Variants in KIRREL3 observed in about 807,000 individuals in gnomAD.
The protein encoded by KIRREL3 is kirre like nephrin family adhesion molecule 3, also known as kin of IRRE-like protein 3.
A neutral mutation model predicts 89.7 loss-of-function variants in KIRREL3; 36 were observed. The ratio of observed to expected loss-of-function variants is 0.40; its 90% confidence interval spans 0.31 to 0.53. The LOEUF (loss-of-function observed/expected upper bound fraction) is 0.53. Ranked by LOEUF, KIRREL3 falls within the 20% of genes least tolerant of loss-of-function variation. The pLI is 0.49. For missense variants in KIRREL3, 864 were observed against 1,056.6 expected (o/e 0.82, Z 2.53); for synonymous variants, 445 against 441.4 (o/e 1.01, Z -0.10).
rs529950656 is a variant in KIRREL3, at chr11:126,566,105, A to G, written c.56-3193T>C. 6.6e-6 allele frequency among the ~76,000 whole-genome samples: 1 copy of G among 151,042 alleles called. No homozygotes were observed. The highest frequency in any genetic ancestry group is 1.9e-4 in the East Asian group (1 of 5,130). ...TGCTGTCTTTGGCTTTATCAGTAGC[A>G]GAAACACCCAGATACTCTAAAGCTG... On this transcript the variant is annotated intron_variant, in intron 1 of 16. Transcript: ENST00000525144. This position sits in a 1 kb window ranked among gnomAD's most constrained non-coding sequence, Gnocchi z 4.9.
intron 1 of KIRREL3, among the ~76,000 whole-genome samples, chr11:126,626,688 T>C (rs1943800503): frequency 6.6e-6 from 1 of 152,234 alleles, no homozygotes; most frequent in African/African-American, 2.4e-5. Flanking sequence ...TGATAAGTCT[T>C]GTTAAAGAAT....
At chr11:126,632,747 A>T (rs1294948103) in intron 1 of KIRREL3, among the ~76,000 whole-genome samples, 220 of 5,894 alleles carry the variant, frequency 0.037, no homozygotes, top group African/African-American at 0.12. Context: ...ATGTCTCCTC[A>T]TCAATTTTTA....
chr11:126,792,156 T>G (rs1241820018), intron 1 of KIRREL3, among the ~76,000 whole-genome samples: 1 of 152,110 alleles, frequency 6.6e-6, no homozygotes, highest in Non-Finnish European at 1.5e-5. Context: ...GGGCCAGGAA[T>G]CAGATCCCTG....
intron 1 of KIRREL3, among the ~76,000 whole-genome samples, chr11:126,820,894 T>C (rs1320705662): frequency 1.3e-5 from 2 of 152,170 alleles, no homozygotes; most frequent in African/African-American, 4.8e-5. Flanking sequence ...CCTTGAGTTT[T>C]CGTGAGGACT....
chr11:126,670,626 A>C (rs529913784), intron 1 of KIRREL3, among the ~76,000 whole-genome samples: 3 of 152,364 alleles, frequency 2.0e-5, no homozygotes, highest in South Asian at 4.1e-4. Context: ...AATAAACAGA[A>C]GTTAATTTTT....
Position 126,575,680 on chromosome 11 carries a change from C to G in KIRREL3, c.56-12768G>C, listed in dbSNP as rs1299052633. ...ACTGCTATGTTGTTGGAGTTAATACCCACAGCAGCTCAAGGAACAGCTTTG... is the reference window on the plus strand; with the variant it reads ...ACTGCTATGTTGTTGGAGTTAATACGCACAGCAGCTCAAGGAACAGCTTTG... On this transcript the variant is annotated intron_variant, in intron 1 of 16. Transcript: ENST00000525144. This position sits in a 1 kb window ranked among gnomAD's most constrained non-coding sequence, Gnocchi z 7.0. Among the ~76,000 whole-genome samples, 11 of 152,076 alleles carry G rather than the reference C, an allele frequency of 7.2e-5. No homozygotes were observed. Among genetic ancestry groups the G allele is most frequent in the Admixed American group, 7.2e-4 (11 of 15,266 alleles).
chr11:126,440,321 T>G (rs61898676), intron 11 of KIRREL3, 128 bp downstream of exon 11: 3 of 802,044 alleles, frequency 3.7e-6, no homozygotes, highest in Non-Finnish European at 6.3e-6. Flanking sequence ...CCAAGGCAGG[T>G]ATAATTTTCC....
intron 1 of KIRREL3, among the ~76,000 whole-genome samples, chr11:126,781,257 G>T (rs897076052): frequency 6.6e-6 from 1 of 152,130 alleles, no homozygotes; most frequent in Non-Finnish European, 1.5e-5. Flanking sequence ...CTACAAGGGG[G>T]AGATGAGTTG....
rs541053702 is a variant in KIRREL3 at position 126,879,200 on chromosome 11, A to G, written c.55+121255T>C. 1.3e-5 allele frequency among the ~76,000 whole-genome samples: 2 copies of G among 152,320 alleles called. No homozygotes were observed. The highest frequency in any genetic ancestry group is 6.5e-5 in the Admixed American group (1 of 15,300). On this transcript the variant is annotated intron_variant, in intron 1 of 16. Coordinates refer to ENST00000525144, the MANE Select transcript of KIRREL3 (RefSeq NM_032531.4). This position sits in a 1 kb window ranked among gnomAD's most constrained non-coding sequence, Gnocchi z 5.4. Reference sequence around the variant, plus strand: ...CACGGAGGTAATGTACAGGGAACCTATAACCAGGATGCAGATGCTATATGC... The same window carrying G: ...CACGGAGGTAATGTACAGGGAACCTGTAACCAGGATGCAGATGCTATATGC...
chr11:126,927,572 A>T (rs1009861094), intron 1 of KIRREL3, among the ~76,000 whole-genome samples: 1 of 152,258 alleles, frequency 6.6e-6, no homozygotes, highest in Non-Finnish European at 1.5e-5. Context: ...CTACTTTTAC[A>T]GAAAATGCGG....
Position 126,486,896 on chromosome 11 carries a change from C to T in KIRREL3, c.434-13430G>A, listed in dbSNP as rs1218532577. On this transcript the variant is annotated intron_variant, in intron 4 of 16. Transcript: ENST00000525144. The surrounding 1 kb of genome is among the most constrained non-coding windows in gnomAD (Gnocchi z 6.2). ...GGCCAGGCAGGGACTTGGAGTGTCCCCGCTGGTCCCATAAATAGAAGCAGA... is the reference window on the plus strand; with the variant it reads ...GGCCAGGCAGGGACTTGGAGTGTCCTCGCTGGTCCCATAAATAGAAGCAGA... Among the ~76,000 whole-genome samples the T allele has an allele frequency of 6.6e-6, 1 of 152,132 alleles. No individual in the cohort carries two copies. Among genetic ancestry groups the T allele is most frequent in the African/African-American group, 2.4e-5 (1 of 41,408 alleles).
intron 1 of KIRREL3, among the ~76,000 whole-genome samples, chr11:126,819,753 T>G (rs1290438570): frequency 1.3e-5 from 2 of 152,242 alleles, no homozygotes; most frequent in Admixed American, 1.3e-4. Flanking sequence ...AATCTGCCAA[T>G]GTACTTATAG....
rs1289790131 is a variant in KIRREL3, at chr11:126,724,502, C to G, written c.56-161590G>C. Among the ~76,000 whole-genome samples the G allele has an allele frequency of 6.6e-6, 1 of 152,200 alleles. No individual in the cohort carries two copies. The highest frequency in any genetic ancestry group is 2.4e-5 in the African/African-American group (1 of 41,442). ...TATCAGCCCTCTCCAAACATCCAGGCAGGATCTGGGAGGGACTGCCCTTGA... is the reference window on the plus strand; with the variant it reads ...TATCAGCCCTCTCCAAACATCCAGGGAGGATCTGGGAGGGACTGCCCTTGA... On this transcript the variant is annotated intron_variant, in intron 1 of 16. Coordinates refer to ENST00000525144, the MANE Select transcript of KIRREL3 (RefSeq NM_032531.4). This position sits in a 1 kb window ranked among gnomAD's most constrained non-coding sequence, Gnocchi z 4.3.
At chr11:126,735,453 CACTT>C (rs1226062372) in intron 1 of KIRREL3, among the ~76,000 whole-genome samples, 2 of 152,158 alleles carry the variant, frequency 1.3e-5, no homozygotes, top group African/African-American at 4.8e-5. Flanking sequence ...TCTTTGTTGA[CACTT>C]AATATAGAAA....
At chr11:126,702,392 T>A (rs968365453) in intron 1 of KIRREL3, among the ~76,000 whole-genome samples, 1 of 152,216 alleles carries the variant, frequency 6.6e-6, no homozygotes, top group African/African-American at 2.4e-5. Flanking sequence ...GTTGCAAATG[T>A]CACATCTTCA....
intron 1 of KIRREL3, among the ~76,000 whole-genome samples, chr11:126,894,542 C>CAAAAAAAA (rs10630231): frequency 5.7e-5 from 1 of 17,480 alleles, no homozygotes; most frequent in East Asian, 2.4e-3. Context: ...GACCTCATCT[C>CAAAAAAAA]AAAAAAAAAA....
At chr11:126,922,487 C>T (rs373669346) in intron 1 of KIRREL3, among the ~76,000 whole-genome samples, 4 of 152,030 alleles carry the variant, frequency 2.6e-5, no homozygotes, top group African/African-American at 9.7e-5. Flanking sequence ...GATCTGTGCC[C>T]ACCCTTCCAC....
intron 1 of KIRREL3, among the ~76,000 whole-genome samples, chr11:126,599,639 TC>T (rs1204579702): frequency 1.3e-5 from 2 of 152,156 alleles, no homozygotes; most frequent in African/African-American, 4.8e-5. Flanking sequence ...ATACCGGGTA[TC>T]CCCACAAGCC....
At chr11:126,438,178 G>C (rs1454915592) in intron 11 of KIRREL3, among the ~76,000 whole-genome samples, 2 of 152,250 alleles carry the variant, frequency 1.3e-5, no homozygotes, top group African/African-American at 2.4e-5. Flanking sequence ...TGTGAGTTAG[G>C]ACAGCAGCCC....
Sources: allele counts gnomAD v4.1 joint callset (sites outside exome capture counted in the v4.1 genomes callset), GRCh38; gene constraint gnomAD v4.1.1; non-coding constraint Gnocchi (gnomAD v3.1); transcripts MANE v1.5; gene names NCBI Gene and HGNC (gene_info 2026-07-23, HGNC 2026-07-21).